The following MAN1A2 variants were observed in gnomAD, a reference collection of about 807,000 sequenced individuals.
MAN1A2 encodes mannosyl-oligosaccharide 1,2-alpha-mannosidase IB.
A neutral mutation model predicts 75.7 loss-of-function variants in MAN1A2; 26 were observed. That is an observed-to-expected ratio of 0.34 (90% CI 0.25 to 0.48). MAN1A2 has a LOEUF of 0.48. MAN1A2 is among the 20% of genes least tolerant of loss of function. MAN1A2 has a pLI of 0.99. For missense variants in MAN1A2, 562 were observed against 775.5 expected (o/e 0.72, Z 3.27); for synonymous variants, 247 against 264.6 (o/e 0.93, Z 0.65).
At chr1:117,497,370 TAAG>T (rs541039167) in intron 10 of MAN1A2, among the ~76,000 whole-genome samples, 111 of 152,114 alleles carry the variant, frequency 7.3e-4, no homozygotes, top group Admixed American at 2.0e-3. Flanking sequence ...CCTCTTGTGA[TAAG>T]AAGAATAACC....
At chr1:117,499,722 A>C (rs1651140393) in intron 11 of MAN1A2, among the ~76,000 whole-genome samples, 168 bp downstream of exon 11, 1 of 149,746 alleles carries the variant, frequency 6.7e-6, no homozygotes, top group African/African-American at 2.4e-5. Context: ...AGTAGAAATA[A>C]ATCTTACGAT....
intron 9 of MAN1A2, chr1:117,494,869 A>G (rs1650989352): frequency 6.6e-6 from 1 of 151,966 alleles, no homozygotes; most frequent in African/African-American, 2.4e-5. Flanking sequence ...TTTATTTATC[A>G]TTATCTCAGC....
At chr1:117,408,856 G>A (rs1647709729) in intron 3 of MAN1A2, among the ~76,000 whole-genome samples, 1 of 151,780 alleles carries the variant, frequency 6.6e-6, no homozygotes, top group African/African-American at 2.4e-5. Flanking sequence ...TTTCATTTTG[G>A]TTGAGTTTTG....
At chr1:117,441,536 G>A (rs564281649) in intron 5 of MAN1A2, among the ~76,000 whole-genome samples, 22 of 152,098 alleles carry the variant, frequency 1.4e-4, no homozygotes, top group South Asian at 4.2e-4. Flanking sequence ...CTAAAGTTAC[G>A]TACACACACT....
rs1368248593 is a variant in MAN1A2 at position 117,484,634 on chromosome 1, CTG to C, written c.1169-8510_1169-8509del. On this transcript the variant is annotated intron_variant, in intron 8 of 12. Coordinates refer to ENST00000356554, the MANE Select transcript of MAN1A2 (RefSeq NM_006699.5). Reference sequence around the variant, plus strand: ...TTCACTGCATAGCAAAAAGAGGTGTCTGTGAAATTATTACAGTAGTAAAGTAT... The same window carrying C: ...TTCACTGCATAGCAAAAAGAGGTGTCTGAAATTATTACAGTAGTAAAGTAT... 2.0e-5 allele frequency among the ~76,000 whole-genome samples: 3 copies of C among 152,060 alleles called. No individual in the cohort carries two copies. The East Asian group carries it at 5.8e-4, about 30-fold the overall frequency.
Position 117,402,174 on chromosome 1 carries a change from C to T in MAN1A2, c.303-12C>T, listed in dbSNP as rs1368574497. ...GCTCACTGTTACGTTTTATTTCCTTCTTTTCTCACAGGGAAGAGGAAGAAC... is the reference window on the plus strand; with the variant it reads ...GCTCACTGTTACGTTTTATTTCCTTTTTTTCTCACAGGGAAGAGGAAGAAC... On this transcript the variant is annotated splice_polypyrimidine_tract_variant and intron_variant, in intron 1 of 12. Transcript: ENST00000356554. 1 of 1,597,650 alleles carries T rather than the reference C, an allele frequency of 6.3e-7. No individual in the cohort carries two copies. Among genetic ancestry groups the T allele is most frequent in the Non-Finnish European group, 8.5e-7 (1 of 1,174,804 alleles).
chr1:117,482,934 A>C (rs913554868), intron 8 of MAN1A2, among the ~76,000 whole-genome samples: 1 of 152,132 alleles, frequency 6.6e-6, no homozygotes, highest in Non-Finnish European at 1.5e-5. Context: ...TAAGGAAGGC[A>C]TCCAGTTTTA....
chr1:117,432,195 T>C (rs990943152), intron 5 of MAN1A2, among the ~76,000 whole-genome samples: 2 of 152,180 alleles, frequency 1.3e-5, no homozygotes, highest in African/African-American at 4.8e-5. Flanking sequence ...AGATTACCAA[T>C]AGCAGGAGTA....
chr1:117,459,928 T>A (rs1414611735), intron 6 of MAN1A2, among the ~76,000 whole-genome samples: 2 of 152,202 alleles, frequency 1.3e-5, no homozygotes, highest in African/African-American at 4.8e-5. Flanking sequence ...GTTTATAACT[T>A]TGGACCTGGC....
chr1:117,499,338 T>C, intron 10 of MAN1A2, 44 bp from the exon 11 acceptor site: 1 of 1,372,700 alleles, frequency 7.3e-7, no homozygotes, highest in South Asian at 1.7e-5. Context: ...CAAACAAACA[T>C]AAATGGTTTA....
chr1:117,428,974 A>G (rs1186471070), intron 5 of MAN1A2, among the ~76,000 whole-genome samples: 3 of 143,522 alleles, frequency 2.1e-5, no homozygotes, highest in Non-Finnish European at 3.1e-5. Flanking sequence ...TGTGTCCCTG[A>G]TTACTTGAGA....
intron 5 of MAN1A2, among the ~76,000 whole-genome samples, chr1:117,439,931 C>A (rs1012884360): frequency 6.6e-6 from 1 of 152,166 alleles, no homozygotes; most frequent in Non-Finnish European, 1.5e-5. Flanking sequence ...ACCAAAATTT[C>A]AAATGCTTAT....
chr1:117,504,834 C>G (rs1651300578), intron 12 of MAN1A2, among the ~76,000 whole-genome samples: 1 of 151,122 alleles, frequency 6.6e-6, no homozygotes, highest in African/African-American at 2.4e-5. Flanking sequence ...AGATTTTTTT[C>G]TAATTGTTCC....
At chr1:117,382,492 A>G (rs1261822557) in intron 1 of MAN1A2, among the ~76,000 whole-genome samples, 5 of 152,126 alleles carry the variant, frequency 3.3e-5, no homozygotes, top group Admixed American at 2.6e-4. Context: ...AGATAGTTGT[A>G]GATATGCGGC....
intron 12 of MAN1A2, 134 bp from the exon 13 acceptor site, chr1:117,522,691 G>A (rs1343655439): frequency 1.4e-6 from 1 of 732,850 alleles, no homozygotes; most frequent in Non-Finnish European, 2.3e-6. Flanking sequence ...GGGTGTCTGA[G>A]GTTTATTTCT....
intron 1 of MAN1A2, among the ~76,000 whole-genome samples, chr1:117,395,054 A>C (rs1406973227): frequency 5.9e-5 from 9 of 152,232 alleles, no homozygotes; most frequent in Admixed American, 5.9e-4. Flanking sequence ...CAAGAGCCAC[A>C]GCGGCTTAAG....
At chr1:117,448,061 G>A (rs1649295104) in intron 6 of MAN1A2, among the ~76,000 whole-genome samples, 1 of 152,140 alleles carries the variant, frequency 6.6e-6, no homozygotes, top group Admixed American at 6.6e-5. Flanking sequence ...AGCATGGAAT[G>A]TTCTCCCATC....
chr1:117,497,721 G>A (rs1042099218), intron 10 of MAN1A2, among the ~76,000 whole-genome samples: 5 of 151,732 alleles, frequency 3.3e-5, no homozygotes, highest in Admixed American at 2.0e-4. Flanking sequence ...AAAGACAAAA[G>A]GTTTCTTAGG....
intron 2 of MAN1A2, among the ~76,000 whole-genome samples, chr1:117,405,122 G>C (rs1027773092): frequency 7.9e-5 from 12 of 152,166 alleles, no homozygotes; most frequent in African/African-American, 2.9e-4. Context: ...ATCTGGGACT[G>C]CTTTTATGCT....
Sources: allele counts gnomAD v4.1 joint callset (sites outside exome capture counted in the v4.1 genomes callset), GRCh38; gene constraint gnomAD v4.1.1; transcripts MANE v1.5; gene names NCBI Gene and HGNC (gene_info 2026-07-23, HGNC 2026-07-21).